The following PPEF2 variants were observed in gnomAD, a reference collection of about 807,000 sequenced individuals.
PPEF2 encodes protein phosphatase with EF-hand domain 2.
In PPEF2, 84 loss-of-function variants were observed where a neutral mutation model predicts 84.7. That is an observed-to-expected ratio of 0.99 (90% CI 0.83 to 1.19). The LOEUF (loss-of-function observed/expected upper bound fraction) is 1.19. Ranked by LOEUF, PPEF2 falls within the 50% of genes most tolerant of loss-of-function variation. The pLI, the probability that PPEF2 is intolerant of heterozygous loss-of-function variation, is 0.00. For missense variants in PPEF2, 924 were observed against 937.5 expected (o/e 0.99, Z 0.19); for synonymous variants, 346 against 345.2 (o/e 1.00, Z -0.03).
intron 13 of PPEF2, among the ~76,000 whole-genome samples, chr4:75,869,894 C>T (rs1039914973): frequency 3.3e-5 from 5 of 151,922 alleles, no homozygotes; most frequent in African/African-American, 9.7e-5. Flanking sequence ...ATGTTATCTT[C>T]GGTTTATGGA....
chr4:75,887,393 G>A (rs1724754812), intron 6 of PPEF2, among the ~76,000 whole-genome samples: 1 of 152,040 alleles, frequency 6.6e-6, no homozygotes, highest in Non-Finnish European at 1.5e-5. Context: ...AGGCTGAGAC[G>A]GGCGGATCAC....
chr4:75,869,170 G>T (rs570261216), intron 13 of PPEF2, among the ~76,000 whole-genome samples: 38 of 152,348 alleles, frequency 2.5e-4, no homozygotes, highest in Non-Finnish European at 4.3e-4. Context: ...GTTAGACAAA[G>T]CATTTAAGCT....
At chr4:75,889,437 C>T (rs1369315720) in intron 5 of PPEF2, among the ~76,000 whole-genome samples, 4 of 152,266 alleles carry the variant, frequency 2.6e-5, no homozygotes, top group South Asian at 2.1e-4. Flanking sequence ...GCTCTTTCTC[C>T]GGCGCATTCC....
At position 75,860,338 on chromosome 4, in the gene PPEF2, A is replaced by G; in HGVS notation, c.*329T>C. The G allele has an allele frequency of 3.6e-6, 1 of 279,460 alleles. No individual in the cohort carries two copies. The highest frequency in any genetic ancestry group is 8.6e-5 in the East Asian group (1 of 11,650). The allele number at this position is 279,460 out of a possible 1,614,324, so 17.3% of individuals were successfully genotyped here. On this transcript the variant is annotated 3_prime_UTR_variant, in exon 17 of 17. Transcript: ENST00000286719. ...GCCTGGGCAACAAGAGAGAAACTCC[A>G]TCTCAAAAAAACGTATAAAATGAAA...
Position 75,876,375 on chromosome 4 carries a change from C to G in PPEF2, c.1232G>C (p.Gly411Ala). 6.2e-7 allele frequency: 1 copy of G among 1,614,140 alleles called. No homozygotes were observed. The highest frequency in any genetic ancestry group is 1.1e-5 in the South Asian group (1 of 91,078). Residue 411 changes from glycine (G) to alanine (A), a missense_variant, in exon 11 of 17, where the codon GGA (glycine) becomes GCA (alanine). Transcript: ENST00000286719. ...CRQQAGLLVT[G>A]EKEEPSRSAS... ...TGAGCGGGAGGGCTCCTCTTTCTCT[C>G]CGGTCACCAGGAGGCCTGCTTGCTG...
chr4:75,860,603 A>C lies in PPEF2; in HGVS notation c.*64T>G. 1 of 1,580,272 alleles carries C rather than the reference A, an allele frequency of 6.3e-7. No individual in the cohort carries two copies. Among genetic ancestry groups the C allele is most frequent in the South Asian group, 1.1e-5 (1 of 88,162 alleles). ...AAGTTTCACATGGAGAATAAGGGAG[A>C]TAGTCTAGTGAGAAGCTGAGCATTG... On this transcript the variant is annotated 3_prime_UTR_variant, in exon 17 of 17. Transcript: ENST00000286719.
intron 13 of PPEF2, among the ~76,000 whole-genome samples, chr4:75,868,775 G>A (rs1293944553): frequency 6.6e-6 from 1 of 152,160 alleles, no homozygotes; most frequent in East Asian, 1.9e-4. Context: ...GGCTGAAGCG[G>A]GAGGATCACT....
intron 6 of PPEF2, among the ~76,000 whole-genome samples, chr4:75,887,404 G>A (rs1724755384): frequency 1.3e-5 from 2 of 152,084 alleles, no homozygotes; most frequent in Admixed American, 6.5e-5. Flanking sequence ...GGCGGATCAC[G>A]AGGTCAGGAG....
intron 14 of PPEF2, 157 bp from the exon 15 acceptor site, chr4:75,866,509 G>A (rs1206305733): frequency 2.2e-6 from 2 of 909,816 alleles, no homozygotes; most frequent in Non-Finnish European, 3.5e-6. Flanking sequence ...AGAGTTGGCT[G>A]GAAGCTAGGC....
chr4:75,888,067 G>A lies in PPEF2; in HGVS notation c.532+147C>T, dbSNP rs74339468. 6.3e-3 allele frequency: 3,919 copies of A among 624,948 alleles called. 118 individuals carry two copies. Among genetic ancestry groups the A allele is most frequent in the African/African-American group, 0.062 (3,449 of 55,308 alleles). The allele number at this position is 624,948 out of a possible 1,614,324, so 38.7% of individuals were successfully genotyped here. ...CACCTCTTTTTTAGGTAAATGTGGAGTGAATATGCAAATTGTGGACCTGAA... is the reference window on the plus strand; with the variant it reads ...CACCTCTTTTTTAGGTAAATGTGGAATGAATATGCAAATTGTGGACCTGAA... On this transcript the variant is annotated intron_variant, in intron 6 of 16. Coordinates refer to ENST00000286719, the MANE Select transcript of PPEF2 (RefSeq NM_006239.3).
rs193066667 is a variant in PPEF2, at chr4:75,863,448, C to G, written c.2008+992G>C. Among the ~76,000 whole-genome samples, 10 of 148,240 alleles carry G rather than the reference C, an allele frequency of 6.7e-5. No individual in the cohort carries two copies. The East Asian group carries it at 2.0e-3, about 29-fold the overall frequency. ...CCGGGAGGTGGAGGTTGCAGTGATCCGAGATTGTGCCACTGCACTCCAGCT... is the reference window on the plus strand; with the variant it reads ...CCGGGAGGTGGAGGTTGCAGTGATCGGAGATTGTGCCACTGCACTCCAGCT... On this transcript the variant is annotated intron_variant, in intron 16 of 16. Transcript: ENST00000286719.
At chr4:75,898,845 A>G (rs998062279) in intron 1 of PPEF2, among the ~76,000 whole-genome samples, 14 of 152,082 alleles carry the variant, frequency 9.2e-5, no homozygotes, top group Middle Eastern at 6.8e-3. Context: ...AACATTTATT[A>G]TTTCTTTGTT....
Position 75,872,310 on chromosome 4 carries a change from C to T in PPEF2, c.1507-143G>A, listed in dbSNP as rs570733593. On this transcript the variant is annotated intron_variant, in intron 12 of 16. Coordinates refer to ENST00000286719, the MANE Select transcript of PPEF2 (RefSeq NM_006239.3). ...AATCCTTTTCTTTCTTTCTTTCTTT[C>T]TTTTTTTCTAAAGGCATCAATGCTA... is the stretch of plus-strand genomic sequence containing the variant. 108 of 843,014 alleles carry T rather than the reference C, an allele frequency of 1.3e-4. No homozygotes were observed. The African/African-American group carries it at 1.6e-3, about 12-fold the overall frequency. The allele number at this position is 843,014 out of a possible 1,614,324, so 52.2% of individuals were successfully genotyped here. A position where few individuals can be genotyped will look rare whatever the true frequency, so the allele number is the denominator to read the frequency against.
At chr4:75,888,062 G>A (rs1045656562) in intron 6 of PPEF2, 152 bp downstream of exon 6, 4 of 610,402 alleles carry the variant, frequency 6.6e-6, no homozygotes, top group African/African-American at 5.5e-5. Flanking sequence ...TTAGGTAAAT[G>A]TGGAGTGAAT....
chr4:75,863,288 G>C (rs1008226733), intron 16 of PPEF2, among the ~76,000 whole-genome samples: 2 of 150,954 alleles, frequency 1.3e-5, no homozygotes. Flanking sequence ...TCAGGAGATC[G>C]AGACCATCCT....
chr4:75,889,821 G>C, intron 5 of PPEF2, 136 bp downstream of exon 5: 1 of 959,258 alleles, frequency 1.0e-6, no homozygotes, highest in South Asian at 1.6e-5. Context: ...GCTAAGCACA[G>C]CAGGGGTAGA....
At chr4:75,865,639 G>A (rs970120809) in intron 15 of PPEF2, among the ~76,000 whole-genome samples, 3 of 152,136 alleles carry the variant, frequency 2.0e-5, no homozygotes, top group Non-Finnish European at 4.4e-5. Context: ...ACCCTCCTCA[G>A]CCTCCCAAAG....
Position 75,891,651 on chromosome 4 carries a change from C to A in PPEF2, c.238G>T (p.Asp80Tyr). Residue 80 changes from aspartate to tyrosine, a missense_variant, in exon 4 of 17, where the codon GAC becomes TAC. Transcript: ENST00000286719. Reference protein sequence around the residue: ...MDHFIPSSHNDRDFLTRIFTE... With the variant: ...MDHFIPSSHNYRDFLTRIFTE... ...ACATGTGGCAGTTCATACTCACTGT[C>A]GTTGTGGCTGCTGGGGATGAAGTGA... is the stretch of plus-strand genomic sequence containing the variant. 6.2e-7 allele frequency: 1 copy of A among 1,608,718 alleles called. No homozygotes were observed. Among genetic ancestry groups the A allele is most frequent in the Non-Finnish European group, 8.5e-7 (1 of 1,177,816 alleles).
chr4:75,876,834 T>C (rs756585676), intron 10 of PPEF2, among the ~76,000 whole-genome samples, 161 bp from the exon 11 acceptor site: 9 of 151,200 alleles, frequency 6.0e-5, no homozygotes, highest in Non-Finnish European at 1.3e-4. Context: ...GGCAAGACCG[T>C]GTCTCTACAA....
Sources: allele counts gnomAD v4.1 joint callset (sites outside exome capture counted in the v4.1 genomes callset), GRCh38; gene constraint gnomAD v4.1.1; transcripts MANE v1.5; gene names NCBI Gene and HGNC (gene_info 2026-07-23, HGNC 2026-07-21).